The following FHIT variants were observed in gnomAD, a reference collection of about 807,000 sequenced individuals.
FHIT encodes the protein fragile histidine triad diadenosine triphosphatase.
A neutral mutation model predicts 17.9 loss-of-function variants in FHIT; 19 were observed. That is an observed-to-expected ratio of 1.06 (90% CI 0.74 to 1.56). FHIT has a LOEUF of 1.56. Among genes scored for constraint, FHIT ranks in the 40% most tolerant of loss-of-function variants. The pLI is 0.00. For synonymous variants in FHIT, 81 were observed against 69.7 expected, an observed-to-expected ratio of 1.16 and a Z score of -0.81; for missense variants, 248 against 189.2, an observed-to-expected ratio of 1.31 and a Z score of -1.82.
intron 8 of FHIT, among the ~76,000 whole-genome samples, chr3:59,767,424 G>A (rs946221682): frequency 5.9e-5 from 9 of 152,082 alleles, no homozygotes; most frequent in South Asian, 2.1e-4. Context: ...GCTTGAACCC[G>A]GGAGGTGAAT....
chr3:60,434,524 C>A (rs1403375109), intron 5 of FHIT, among the ~76,000 whole-genome samples: 1 of 152,064 alleles, frequency 6.6e-6, no homozygotes, highest in Admixed American at 6.6e-5. Context: ...CTATCCTAGT[C>A]CCCCACCAGG....
chr3:60,179,720 A>C (rs1435238562), intron 5 of FHIT, among the ~76,000 whole-genome samples: 1 of 152,184 alleles, frequency 6.6e-6, no homozygotes, highest in South Asian at 2.1e-4. Context: ...GGTTTAAGAA[A>C]TCCAAGGTCA....
rs868790037 is a variant in FHIT, at chr3:60,127,808, A to G, written c.104-113656T>C. On this transcript the variant is annotated intron_variant, in intron 5 of 9. Coordinates refer to ENST00000492590, the MANE Select transcript of FHIT (RefSeq NM_002012.4). ...TATCCATGGCAGCCAATATGTATAC[A>G]TTTGTAGAGATGAGGCCTTACTATG... is the stretch of plus-strand genomic sequence containing the variant. Among the ~76,000 whole-genome samples the G allele has an allele frequency of 1.9e-4, 29 of 152,020 alleles. 1 individual carries two copies. The highest frequency in any genetic ancestry group is 1.0e-3 in the Admixed American group (16 of 15,266).
chr3:60,237,030 C>T (rs1160561599), intron 5 of FHIT, among the ~76,000 whole-genome samples: 1 of 152,138 alleles, frequency 6.6e-6, no homozygotes, highest in Non-Finnish European at 1.5e-5. Context: ...GCATTCCACA[C>T]TTTGGATATA....
At chr3:60,722,597 G>T (rs1553708325) in intron 4 of FHIT, among the ~76,000 whole-genome samples, 1 of 151,212 alleles carries the variant, frequency 6.6e-6, no homozygotes, top group African/African-American at 2.4e-5. Flanking sequence ...CCACCTTGTA[G>T]ATGCTAGTAG....
At chr3:61,181,024 ATGTTT>A (rs1190188882) in intron 2 of FHIT, among the ~76,000 whole-genome samples, 1 of 152,180 alleles carries the variant, frequency 6.6e-6, no homozygotes, top group Admixed American at 6.5e-5. Context: ...AGGAATTCAA[ATGTTT>A]GGATTATTTT....
intron 3 of FHIT, among the ~76,000 whole-genome samples, chr3:60,904,444 G>A (rs1317624743): frequency 6.6e-6 from 1 of 150,870 alleles, no homozygotes; most frequent in Non-Finnish European, 1.5e-5. Context: ...ACTAGATGTG[G>A]GGAAAGCCTT....
intron 5 of FHIT, among the ~76,000 whole-genome samples, chr3:60,068,238 AAAAACAAAAC>A (rs879839534): frequency 1.3e-5 from 2 of 152,164 alleles, no homozygotes; most frequent in African/African-American, 2.4e-5. Flanking sequence ...CTGCCTCAAA[AAAAACAAAAC>A]AAAACAAAAC....
In FHIT at chr3:59,989,064, C is replaced by G. The variant is rs1008796086; in HGVS notation, c.279+22307G>C. 2.6e-5 allele frequency among the ~76,000 whole-genome samples: 4 copies of G among 152,080 alleles called. No individual in the cohort carries two copies. In the South Asian group the frequency reaches 8.3e-4, roughly 32 times the overall value. ...TGGAGGTCTGGCCATTAGACTCAGG[C>G]TTTAAAGAGGTTCTGGGAAGGGGAG... On this transcript the variant is annotated intron_variant, in intron 7 of 9. Coordinates refer to ENST00000492590, the MANE Select transcript of FHIT (RefSeq NM_002012.4).
At chr3:60,360,501 C>A (rs890409768) in intron 5 of FHIT, among the ~76,000 whole-genome samples, 1 of 152,058 alleles carries the variant, frequency 6.6e-6, no homozygotes, top group Non-Finnish European at 1.5e-5. Context: ...ACTCTGAGAG[C>A]CCTGGGTTTT....
chr3:60,615,541 A>G lies in FHIT; in HGVS notation c.-17-78562T>C, dbSNP rs529411127. Among the ~76,000 whole-genome samples the G allele has an allele frequency of 1.3e-4, 20 of 152,368 alleles. No homozygotes were observed. The South Asian group carries it at 3.9e-3, about 30-fold the overall frequency. ...CATTTTAGTTACAGCCATTCGTCAG[A>G]GCAAAGTGATGGTCCAATTCACCTA... On this transcript the variant is annotated intron_variant, in intron 4 of 9. Coordinates refer to ENST00000492590, the MANE Select transcript of FHIT (RefSeq NM_002012.4).
chr3:60,056,017 C>T (rs1000136334), intron 5 of FHIT, among the ~76,000 whole-genome samples: 3 of 152,202 alleles, frequency 2.0e-5, no homozygotes, highest in East Asian at 1.9e-4. Context: ...GTCTCATTTA[C>T]GTCCTTTAAA....
chr3:60,657,372 AT>A lies in FHIT; in HGVS notation c.-17-120394del, dbSNP rs571782120. 1.1e-4 allele frequency among the ~76,000 whole-genome samples: 16 copies of A among 152,238 alleles called. 2 individuals are homozygous for A. The South Asian group carries it at 3.3e-3, about 32-fold the overall frequency. On this transcript the variant is annotated intron_variant, in intron 4 of 9. Coordinates refer to ENST00000492590, the MANE Select transcript of FHIT (RefSeq NM_002012.4). ...CTTTTCCTGCCCAGAATGCCAATAG[AT>A]CCCCCTTGGGAAACACTGACCTCAA...
At chr3:59,987,485 A>G (rs1437664011) in intron 7 of FHIT, among the ~76,000 whole-genome samples, 2 of 152,058 alleles carry the variant, frequency 1.3e-5, no homozygotes, top group African/African-American at 4.8e-5. Context: ...TTCTTGCAGC[A>G]CACCAGTAAT....
intron 3 of FHIT, among the ~76,000 whole-genome samples, chr3:60,851,113 CATT>C (rs1488461975): frequency 5.9e-5 from 9 of 152,116 alleles, no homozygotes; most frequent in African/African-American, 2.2e-4. Flanking sequence ...CTCTTGAAAA[CATT>C]AGTAGTTAAC....
At chr3:59,910,264 G>C (rs1442222247) in intron 8 of FHIT, among the ~76,000 whole-genome samples, 2 of 152,234 alleles carry the variant, frequency 1.3e-5, no homozygotes, top group African/African-American at 2.4e-5. Flanking sequence ...GGAGCTTCCA[G>C]GGCATAGGTA....
At position 60,448,088 on chromosome 3, in the gene FHIT, G is replaced by A. The variant is rs1266170571; in HGVS notation, c.103+88772C>T. Among the ~76,000 whole-genome samples, 6 of 152,292 alleles carry A rather than the reference G, an allele frequency of 3.9e-5. No homozygotes were observed. In the East Asian group the frequency reaches 1.2e-3, roughly 29 times the overall value. Reference sequence around the variant, plus strand: ...GCTCAAGAACGTAGCAGAAGCCTTGGAAGGGACTGTCCATGGTGGATACTG... The same window carrying A: ...GCTCAAGAACGTAGCAGAAGCCTTGAAAGGGACTGTCCATGGTGGATACTG... On this transcript the variant is annotated intron_variant, in intron 5 of 9. Transcript: ENST00000492590.
chr3:60,267,398 T>C (rs2107620409), intron 5 of FHIT, among the ~76,000 whole-genome samples: 1 of 152,204 alleles, frequency 6.6e-6, no homozygotes, highest in East Asian at 1.9e-4. Flanking sequence ...AAAAATACCA[T>C]GGAAAAATTA....
chr3:60,272,407 A>T (rs995914569), intron 5 of FHIT, among the ~76,000 whole-genome samples: 1 of 152,204 alleles, frequency 6.6e-6, no homozygotes, highest in African/African-American at 2.4e-5. Flanking sequence ...GATAGAGACC[A>T]GATTATAGTC....
Sources: gnomAD v4.1 joint callset for allele counts (sites outside exome capture counted in the v4.1 genomes callset) on GRCh38, gnomAD v4.1.1 for gene constraint, MANE v1.5 for transcripts, NCBI Gene and HGNC (gene_info 2026-07-23, HGNC 2026-07-21) for gene names.